The following CINP variants were observed in gnomAD, a reference collection of about 807,000 sequenced individuals.
CINP encodes the protein cyclin-dependent kinase 2-interacting protein.
Under a neutral mutation model 20.5 loss-of-function variants are expected in CINP, and 11 were observed. That is an observed-to-expected ratio of 0.54 (90% CI 0.34 to 0.89). The LOEUF (loss-of-function observed/expected upper bound fraction) is 0.89, where lower values mean the gene tolerates loss of function less well. Among genes scored for constraint, CINP ranks in the 40% least tolerant of loss-of-function variants. The pLI, the probability that CINP is intolerant of heterozygous loss-of-function variation, is 0.02. For missense variants in CINP, 213 were observed against 251.0 expected, an observed-to-expected ratio of 0.85 and a Z score of 1.02; for synonymous variants, 108 against 102.1, an observed-to-expected ratio of 1.06 and a Z score of -0.35.
intron 1 of CINP, among the ~76,000 whole-genome samples, chr14:102,362,394 C>T (rs988235125): frequency 5.3e-5 from 8 of 152,034 alleles, no homozygotes; most frequent in African/African-American, 1.9e-4. Flanking sequence ...ATGAGATGAT[C>T]CACTTAAAGT....
rs542135550 is a variant in CINP at position 102,350,573 on chromosome 14, C to G, written c.307-525G>C. 6.3e-4 allele frequency among the ~76,000 whole-genome samples: 96 copies of G among 151,688 alleles called. 6 individuals are homozygous for G. The South Asian group carries it at 0.019, about 30-fold the overall frequency. On this transcript the variant is annotated intron_variant, in intron 3 of 4. Transcript: ENST00000216756. ...CTCGTTATGTTGCCCAGGCTGGTCT[C>G]TAACTCCTGGGCTCCAGCAATCCTC...
intron 2 of CINP, among the ~76,000 whole-genome samples, chr14:102,357,170 C>G (rs898034148): frequency 6.6e-6 from 1 of 152,098 alleles, no homozygotes; most frequent in Non-Finnish European, 1.5e-5. Context: ...TGCCTGAGCT[C>G]AGGAATTCAA....
In CINP at chr14:102,348,452, G is replaced by GAA. The variant is rs57672078; in HGVS notation, c.*104_*105insTT. 3 of 1,073,154 alleles carry GAA rather than the reference G, an allele frequency of 2.8e-6. No individual in the cohort carries two copies. Among genetic ancestry groups the GAA allele is most frequent in the Non-Finnish European group, 2.7e-6 (2 of 751,188 alleles). 66.5% of individuals were successfully genotyped at this position (1,073,154 alleles called of 1,614,324 possible). On this transcript the variant is annotated 3_prime_UTR_variant, in exon 5 of 5. Coordinates refer to ENST00000216756, the MANE Select transcript of CINP (RefSeq NM_032630.3). ...ACAAGCTCTGGCCAGAAGACCCCAA[G>GAA]GTCTGATCCTGGGGTCTGATCCAGG...
In CINP at chr14:102,362,834, A is replaced by G; in HGVS notation, c.7+11T>C. 1.9e-6 allele frequency: 3 copies of G among 1,614,056 alleles called. No individual in the cohort carries two copies. Among genetic ancestry groups the G allele is most frequent in the Non-Finnish European group, 2.5e-6 (3 of 1,179,950 alleles). Reference sequence around the variant, plus strand: ...CCACCCCACCCCGGGAAAGGAACCGATCTCACGCACCTTCCATAAGGTCCA... The same window carrying G: ...CCACCCCACCCCGGGAAAGGAACCGGTCTCACGCACCTTCCATAAGGTCCA... On this transcript the variant is annotated intron_variant, in intron 1 of 4. Transcript: ENST00000216756.
intron 3 of CINP, among the ~76,000 whole-genome samples, chr14:102,352,033 C>T (rs1886881467): frequency 6.6e-6 from 1 of 152,114 alleles, no homozygotes; most frequent in Non-Finnish European, 1.5e-5. Context: ...TACAGGCGCC[C>T]GCCACTGTGC....
rs1003658466 is a variant in CINP at position 102,348,623 on chromosome 14, A to G, written c.573T>C (p.Tyr191=). 1 of 1,614,018 alleles carries G rather than the reference A, an allele frequency of 6.2e-7. No homozygotes were observed. The highest frequency in any genetic ancestry group is 8.5e-7 in the Non-Finnish European group (1 of 1,179,952). The part of the protein sequence containing the change: ...SYLSMWLHQP[Y]VESDSRLHLE... ...GATGCAGCCTGCTGTCGCTCTCCACATAGGGCTGGTGCAGCCACATGGACA... is the reference window on the plus strand; with the variant it reads ...GATGCAGCCTGCTGTCGCTCTCCACGTAGGGCTGGTGCAGCCACATGGACA... The change falls in exon 5 of 5, where the codon TAT becomes TAC. Residue 191 remains tyrosine (Y), a synonymous_variant. Coordinates refer to ENST00000216756, the MANE Select transcript of CINP (RefSeq NM_032630.3).
chr14:102,362,619 C>A (rs1481359449), intron 1 of CINP: 2 of 712,874 alleles, frequency 2.8e-6, no homozygotes, highest in Non-Finnish European at 5.2e-6. Flanking sequence ...TATATCGTCC[C>A]GTTCATCTGT....
chr14:102,361,498 G>A (rs190869244), intron 1 of CINP, among the ~76,000 whole-genome samples: 16 of 152,242 alleles, frequency 1.1e-4, no homozygotes, highest in Admixed American at 3.3e-4. Context: ...AAAATCAGCC[G>A]GGCGTGGTGG....
chr14:102,359,597 T>C lies in CINP; in HGVS notation c.8-10A>G. On this transcript the variant is annotated splice_polypyrimidine_tract_variant and intron_variant, in intron 1 of 4. Transcript: ENST00000216756. ...GTTCCAAGAGTCTTTGCTGATAGGGTATAAAAGAAACAAAATTATTATCAT... is the reference window on the plus strand; with the variant it reads ...GTTCCAAGAGTCTTTGCTGATAGGGCATAAAAGAAACAAAATTATTATCAT... 1 of 1,594,198 alleles carries C rather than the reference T, an allele frequency of 6.3e-7. No homozygotes were observed. The highest frequency in any genetic ancestry group is 8.5e-7 in the Non-Finnish European group (1 of 1,170,346).
intron 4 of CINP, among the ~76,000 whole-genome samples, 174 bp downstream of exon 4, chr14:102,349,745 A>C (rs1022092338): frequency 2.6e-5 from 4 of 152,198 alleles, no homozygotes; most frequent in African/African-American, 9.6e-5. Flanking sequence ...GCTGATAACC[A>C]GGTAATTAAA....
In CINP at chr14:102,349,963, C is replaced by T. The variant is rs754312219; in HGVS notation, c.392G>A (p.Ser131Asn). 13 of 1,613,500 alleles carry T rather than the reference C, an allele frequency of 8.1e-6. 1 individual carries two copies. The South Asian group carries it at 1.4e-4, about 18-fold the overall frequency. The change falls in exon 4 of 5, where the codon AGT (serine) becomes AAT (asparagine). Residue 131 changes from serine (S) to asparagine (N), a missense_variant. Coordinates refer to ENST00000216756, the MANE Select transcript of CINP (RefSeq NM_032630.3). ...ELENYHYGEE[S>N]KRPPLFHTWP... ...CGTGTGGAACAGAGGGGGTCGTTTA[C>T]TCTCCTCCCCATAATGGTAGTTTTC...
chr14:102,358,826 T>C (rs1453165343), intron 2 of CINP, among the ~76,000 whole-genome samples: 3 of 152,156 alleles, frequency 2.0e-5, no homozygotes. Flanking sequence ...GCCAACATCA[T>C]AGCAAAGTTT....
intron 2 of CINP, among the ~76,000 whole-genome samples, chr14:102,358,676 T>C (rs1245731625): frequency 6.6e-6 from 1 of 150,748 alleles, no homozygotes; most frequent in Non-Finnish European, 1.5e-5. Context: ...GTGAGACTCG[T>C]CTCCAAAAAT....
chr14:102,361,372 G>T (rs1204500300), intron 1 of CINP, among the ~76,000 whole-genome samples: 1 of 152,204 alleles, frequency 6.6e-6, no homozygotes, highest in South Asian at 2.1e-4. Flanking sequence ...GAGGGCAGTG[G>T]CTCACGCCTG....
At chr14:102,352,675 T>C (rs1206084439) in intron 3 of CINP, 4 of 403,140 alleles carry the variant, frequency 9.9e-6, no homozygotes, top group African/African-American at 6.3e-5. Context: ...TTTCTTTTTT[T>C]TGACACGGAG....
intron 1 of CINP, among the ~76,000 whole-genome samples, chr14:102,360,391 T>G (rs1047879690): frequency 6.6e-6 from 1 of 151,160 alleles, no homozygotes; most frequent in Admixed American, 6.6e-5. Flanking sequence ...CCCCGAACCC[T>G]CCTGTGCCCT....
chr14:102,355,341 C>A (rs1448666566), intron 3 of CINP, among the ~76,000 whole-genome samples: 1 of 151,930 alleles, frequency 6.6e-6, no homozygotes, highest in Non-Finnish European at 1.5e-5. Context: ...ATGGTGAAAC[C>A]CTGTCTCAAC....
chr14:102,352,025 C>A (rs1449479079), intron 3 of CINP, among the ~76,000 whole-genome samples: 1 of 152,162 alleles, frequency 6.6e-6, no homozygotes. Context: ...GCTGGGACTA[C>A]AGGCGCCCGC....
In CINP at chr14:102,348,480, T is replaced by C. The variant is rs147053271; in HGVS notation, c.*77A>G. 1.3e-3 allele frequency: 1,728 copies of C among 1,337,580 alleles called. 20 individuals are homozygous for C. The African/African-American group carries it at 0.021, about 17-fold the overall frequency. The allele number at this position is 1,337,580 out of a possible 1,614,324, so 82.9% of individuals were successfully genotyped here. On this transcript the variant is annotated 3_prime_UTR_variant, in exon 5 of 5. Transcript: ENST00000216756. ...CTGATCCTGGGGTCTGATCCAGGCC[T>C]GCGGCACTGGGTCCTAGGCAGACTG... is the stretch of plus-strand genomic sequence containing the variant.
Sources: allele counts gnomAD v4.1 joint callset (sites outside exome capture counted in the v4.1 genomes callset), GRCh38; gene constraint gnomAD v4.1.1; transcripts MANE v1.5; gene names NCBI Gene and HGNC (gene_info 2026-07-23, HGNC 2026-07-21).